ADK: variants seen among roughly 807,000 people sequenced by gnomAD.
The protein encoded by ADK is adenosine kinase, also known as N6,N6-dimethyladenosine kinase.
Under a neutral mutation model 44.7 loss-of-function variants are expected in ADK, and 24 were observed. That is an observed-to-expected ratio of 0.54 (90% CI 0.39 to 0.76). The LOEUF is 0.76. Among genes scored for constraint, ADK ranks in the 30% least tolerant of loss-of-function variants. The probability of loss-of-function intolerance (pLI) is 0.00; values close to 1 mark genes in which losing one functional copy is unlikely to be tolerated. For missense variants in ADK, 321 were observed against 425.1 expected (o/e 0.76, Z 2.15); for synonymous variants, 128 against 142.6 (o/e 0.90, Z 0.73).
chr10:74,469,000 AGTT>A lies in ADK; in HGVS notation c.556-56253_556-56251del, dbSNP rs1846457447. Among the ~76,000 whole-genome samples the A allele has an allele frequency of 2.0e-5, 3 of 151,944 alleles. No homozygotes were observed. The South Asian group carries it at 6.2e-4, about 32-fold the overall frequency. ...GTGTGTGTGTGAGAGAGAGAGATCT[AGTT>A]GTGTTTTTAAGACTTATGGTCAAAA... On this transcript the variant is annotated intron_variant, in intron 6 of 10. Transcript: ENST00000539909.
intron 6 of ADK, among the ~76,000 whole-genome samples, chr10:74,499,694 A>C (rs1847825786): frequency 6.6e-6 from 1 of 152,180 alleles, no homozygotes; most frequent in Non-Finnish European, 1.5e-5. Context: ...TCTCAAAAAA[A>C]AAAAAGTGAC....
At chr10:74,598,140 C>T (rs1851987092) in intron 8 of ADK, among the ~76,000 whole-genome samples, 1 of 152,010 alleles carries the variant, frequency 6.6e-6, no homozygotes, top group African/African-American at 2.4e-5. Flanking sequence ...AAATCCAAGC[C>T]TGTCATATTC....
At chr10:74,488,650 A>G (rs377605494) in intron 6 of ADK, among the ~76,000 whole-genome samples, 11 of 151,620 alleles carry the variant, frequency 7.3e-5, no homozygotes, top group African/African-American at 2.7e-4. Flanking sequence ...ACTTTTCTAA[A>G]TTTCAGATGT....
intron 4 of ADK, among the ~76,000 whole-genome samples, chr10:74,336,640 T>C (rs1841418158): frequency 1.3e-5 from 2 of 152,158 alleles, no homozygotes; most frequent in South Asian, 4.1e-4. Context: ...AAAAAGTAAA[T>C]AGAGAAAGGA....
At chr10:74,450,351 A>G (rs1387455003) in intron 6 of ADK, among the ~76,000 whole-genome samples, 1 of 152,142 alleles carries the variant, frequency 6.6e-6, no homozygotes, top group Admixed American at 6.5e-5. Flanking sequence ...CCCAATTTCT[A>G]AATTGGAGAA....
intron 7 of ADK, among the ~76,000 whole-genome samples, chr10:74,585,419 A>G (rs534493150): frequency 6.6e-5 from 10 of 152,356 alleles, no homozygotes; most frequent in Admixed American, 2.0e-4. Flanking sequence ...ACTGATTCTG[A>G]AAATGTGACC....
chr10:74,529,205 A>T (rs762285306), intron 7 of ADK: 1 of 152,212 alleles, frequency 6.6e-6, no homozygotes, highest in Non-Finnish European at 1.5e-5. Context: ...ATGCTACAAC[A>T]TGAATGAATT....
At chr10:74,687,458 A>T (rs905919360) in intron 10 of ADK, among the ~76,000 whole-genome samples, 14 of 152,194 alleles carry the variant, frequency 9.2e-5, no homozygotes, top group Non-Finnish European at 1.8e-4. Context: ...CTTGAACGAG[A>T]TGCCTACCCT....
intron 7 of ADK, among the ~76,000 whole-genome samples, chr10:74,574,216 G>T (rs947869411): frequency 4.7e-5 from 7 of 150,516 alleles, no homozygotes; most frequent in African/African-American, 1.7e-4. Context: ...CACCAGGCTG[G>T]AGTACAGTGG....
At chr10:74,501,360 T>C (rs1847879181) in intron 6 of ADK, among the ~76,000 whole-genome samples, 1 of 152,226 alleles carries the variant, frequency 6.6e-6, no homozygotes, top group African/African-American at 2.4e-5. Context: ...CTTAAACTTC[T>C]TCATCATATA....
chr10:74,236,796 A>G (rs748271154), intron 3 of ADK, among the ~76,000 whole-genome samples: 6 of 152,250 alleles, frequency 3.9e-5, no homozygotes, highest in Admixed American at 6.5e-5. Context: ...AATCTATTGT[A>G]TACAATAACA....
chr10:74,623,384 A>G (rs565768751), intron 9 of ADK, among the ~76,000 whole-genome samples: 2 of 152,272 alleles, frequency 1.3e-5, no homozygotes, highest in Non-Finnish European at 2.9e-5. Flanking sequence ...CATAAGGTCA[A>G]CACCAATAGG....
intron 6 of ADK, among the ~76,000 whole-genome samples, chr10:74,459,165 A>G (rs770494708): frequency 1.5e-4 from 23 of 151,852 alleles, no homozygotes; most frequent in Non-Finnish European, 3.2e-4. Context: ...CTGTAATCCT[A>G]GCTACTTGGG....
intron 3 of ADK, among the ~76,000 whole-genome samples, chr10:74,276,230 A>G (rs1181652289): frequency 6.6e-6 from 1 of 152,218 alleles, no homozygotes; most frequent in Non-Finnish European, 1.5e-5. Context: ...CCTGTGAGGC[A>G]TAAAACCCAA....
At chr10:74,632,423 T>G (rs915987071) in intron 9 of ADK, among the ~76,000 whole-genome samples, 2 of 152,114 alleles carry the variant, frequency 1.3e-5, no homozygotes, top group African/African-American at 4.8e-5. Flanking sequence ...AGGCTAGAAG[T>G]CCAAAATAAA....
chr10:74,295,459 T>G (rs950270451), intron 3 of ADK, among the ~76,000 whole-genome samples: 2 of 93,644 alleles, frequency 2.1e-5, no homozygotes, highest in Non-Finnish European at 5.5e-5. Context: ...CAAGACTCTG[T>G]CTCAAAAAAA....
chr10:74,389,408 G>C (rs888950965), intron 4 of ADK, among the ~76,000 whole-genome samples: 5 of 152,148 alleles, frequency 3.3e-5, no homozygotes, highest in African/African-American at 1.2e-4. Context: ...TTGGATGTTG[G>C]TGAAACATTG....
chr10:74,458,855 A>C (rs1846055143), intron 6 of ADK, among the ~76,000 whole-genome samples: 1 of 152,208 alleles, frequency 6.6e-6, no homozygotes, highest in Admixed American at 6.5e-5. Context: ...TTTTGATCAG[A>C]TAAGGTTTAA....
intron 3 of ADK, among the ~76,000 whole-genome samples, chr10:74,228,600 G>T (rs1042530319): frequency 1.3e-5 from 2 of 152,090 alleles, no homozygotes; most frequent in East Asian, 3.8e-4. Flanking sequence ...TTAAGAAAAA[G>T]TAAAAGATAC....
Sources: allele counts gnomAD v4.1 joint callset (sites outside exome capture counted in the v4.1 genomes callset), GRCh38; gene constraint gnomAD v4.1.1; transcripts MANE v1.5; gene names NCBI Gene and HGNC (gene_info 2026-07-23, HGNC 2026-07-21).